The following MINDY3 variants were observed in gnomAD, a reference collection of about 807,000 sequenced individuals.
MINDY3 encodes MINDY lysine 48 deubiquitinase 3.
MINDY3 carries 38 observed loss-of-function variants against 69.2 expected under a neutral mutation model. That is an observed-to-expected ratio of 0.55 (90% CI 0.42 to 0.72). The LOEUF is 0.72. Among genes scored for constraint, MINDY3 ranks in the 30% least tolerant of loss-of-function variants. MINDY3 has a pLI of 0.00. For synonymous variants in MINDY3, 192 were observed against 180.1 expected (o/e 1.07, Z -0.53); for missense variants, 522 against 519.0 (o/e 1.01, Z -0.06).
Position 15,837,159 on chromosome 10 carries a change from GAAC to G in MINDY3, c.576+42_576+44del, listed in dbSNP as rs151207830. 1.1e-3 allele frequency: 1,204 copies of G among 1,130,870 alleles called. 12 individuals carry two copies. In the African/African-American group the frequency reaches 0.017, roughly 16 times the overall value. The allele number at this position is 1,130,870 out of a possible 1,614,324, so 70.1% of individuals were successfully genotyped here. A position where few individuals can be genotyped will look rare whatever the true frequency, so the allele number is the denominator to read the frequency against. On this transcript the variant is annotated intron_variant, in intron 6 of 14. Transcript: ENST00000277632. ...TCATCACTGCAGGAAAAACAGCACT[GAAC>G]AACATTAATCAAAGGCAGAAAAATC...
At chr10:15,797,728 G>C in intron 10 of MINDY3, among the ~76,000 whole-genome samples, 1 of 152,064 alleles carries the variant, frequency 6.6e-6, no homozygotes, top group East Asian at 1.9e-4. Context: ...TACAGCCTTA[G>C]CTCTATAATT....
intron 11 of MINDY3, among the ~76,000 whole-genome samples, chr10:15,795,130 A>T (rs1837715517): frequency 6.6e-6 from 1 of 152,048 alleles, no homozygotes; most frequent in African/African-American, 2.4e-5. Context: ...GAATATGACT[A>T]TTACCTTGGA....
intron 8 of MINDY3, among the ~76,000 whole-genome samples, chr10:15,827,532 G>C (rs191907426): frequency 6.8e-6 from 1 of 147,500 alleles, no homozygotes; most frequent in Admixed American, 6.8e-5. Flanking sequence ...GACAGAGTGA[G>C]ACTCCGTCTC....
chr10:15,833,683 G>A lies in MINDY3; in HGVS notation c.677C>T (p.Thr226Met), dbSNP rs201352822. The change falls in exon 8 of 15, where the codon ACG becomes ATG. Residue 226 changes from threonine to methionine, a missense_variant. Coordinates refer to ENST00000277632, the MANE Select transcript of MINDY3 (RefSeq NM_024948.4). Reference protein sequence around the residue: ...GSQSLINLLLTGHAVSNVWDG... With the variant: ...GSQSLINLLLMGHAVSNVWDG... ...CCATACATTAGAAACAGCATGTCCCGTCAGCAGGAGATTAATTAAACTTTG... is the reference window on the plus strand; with the variant it reads ...CCATACATTAGAAACAGCATGTCCCATCAGCAGGAGATTAATTAAACTTTG... 47 of 1,609,866 alleles carry A rather than the reference G, an allele frequency of 2.9e-5. No homozygotes were observed. In the East Asian group the frequency reaches 5.1e-4, roughly 18 times the overall value.
At chr10:15,783,416 A>G (rs1019555620) in intron 13 of MINDY3, among the ~76,000 whole-genome samples, 12 of 152,138 alleles carry the variant, frequency 7.9e-5, no homozygotes, top group Non-Finnish European at 1.5e-4. Context: ...GACTCATTTC[A>G]TCATGAAAAG....
intron 10 of MINDY3, among the ~76,000 whole-genome samples, chr10:15,802,012 T>C (rs764767328): frequency 4.1e-4 from 62 of 151,512 alleles, no homozygotes; most frequent in Non-Finnish European, 7.9e-4. Flanking sequence ...TGACATTCAT[T>C]ATAATTTTAA....
intron 9 of MINDY3, among the ~76,000 whole-genome samples, chr10:15,819,646 C>T (rs1431097020): frequency 2.0e-5 from 3 of 152,180 alleles, no homozygotes; most frequent in East Asian, 1.9e-4. Flanking sequence ...CTTGCTGTAC[C>T]CCAGTCCCCA....
At chr10:15,831,010 A>G (rs545823998) in intron 8 of MINDY3, among the ~76,000 whole-genome samples, 2 of 152,342 alleles carry the variant, frequency 1.3e-5, no homozygotes, top group East Asian at 3.9e-4. Flanking sequence ...AAAGATATAT[A>G]GTTCTTCTAA....
chr10:15,805,442 A>C (rs1308779856), intron 10 of MINDY3, among the ~76,000 whole-genome samples: 1 of 152,154 alleles, frequency 6.6e-6, no homozygotes, highest in Non-Finnish European at 1.5e-5. Context: ...TGAAAAAATA[A>C]AGTTCCTCTT....
chr10:15,781,581 T>G (rs928570110), intron 14 of MINDY3, among the ~76,000 whole-genome samples: 2 of 152,046 alleles, frequency 1.3e-5, no homozygotes, highest in East Asian at 1.9e-4. Context: ...AAAGGAAAGC[T>G]GCAAAGCATC....
At position 15,788,921 on chromosome 10, in the gene MINDY3, C is replaced by G. The variant is rs184789089; in HGVS notation, c.1028+326G>C. 5.9e-3 allele frequency: 1,111 copies of G among 189,076 alleles called. 10 individuals carry two copies. Among genetic ancestry groups the G allele is most frequent in the Middle Eastern group, 0.019 (8 of 422 alleles). 11.7% of individuals were successfully genotyped at this position (189,076 alleles called of 1,614,324 possible). On this transcript the variant is annotated intron_variant, in intron 12 of 14. Coordinates refer to ENST00000277632, the MANE Select transcript of MINDY3 (RefSeq NM_024948.4). ...CACCATCTACACAGAACCGTCATTA[C>G]TTTACTGAAGATACTAATGTCACAT...
intron 2 of MINDY3, among the ~76,000 whole-genome samples, chr10:15,844,420 T>C (rs1031552933): frequency 6.6e-6 from 1 of 152,202 alleles, no homozygotes; most frequent in East Asian, 1.9e-4. Flanking sequence ...CCATCTTTTT[T>C]AATATCTAGT....
At chr10:15,804,227 G>A (rs576939158) in intron 10 of MINDY3, among the ~76,000 whole-genome samples, 6 of 151,826 alleles carry the variant, frequency 4.0e-5, no homozygotes, top group Admixed American at 1.3e-4. Context: ...GAGGGTTGGC[G>A]GGGGGGCGGG....
At chr10:15,846,068 C>G (rs1268304387) in intron 2 of MINDY3, among the ~76,000 whole-genome samples, 1 of 149,926 alleles carries the variant, frequency 6.7e-6, no homozygotes, top group Non-Finnish European at 1.5e-5. Flanking sequence ...GGTGATCTAC[C>G]TGCCTCGGCC....
At chr10:15,812,389 C>T (rs1183115806) in intron 10 of MINDY3, among the ~76,000 whole-genome samples, 1 of 152,158 alleles carries the variant, frequency 6.6e-6, no homozygotes. Flanking sequence ...TTACCCCATA[C>T]AGAAGGTTAA....
At chr10:15,833,177 G>C (rs1832846291) in intron 8 of MINDY3, among the ~76,000 whole-genome samples, 1 of 152,090 alleles carries the variant, frequency 6.6e-6, no homozygotes, top group African/African-American at 2.4e-5. Context: ...TGGAAGAGTT[G>C]GTAATTTAAA....
rs1395726653 is a variant in MINDY3 at position 15,834,549 on chromosome 10, T to C, written c.644A>G (p.His215Arg). Residue 215 changes from histidine to arginine, a missense_variant, in exon 7 of 15, where the codon CAT (histidine) becomes CGT (arginine). His to Arg is a conservative substitution (Grantham distance 29). Coordinates refer to ENST00000277632, the MANE Select transcript of MINDY3 (RefSeq NM_024948.4). ...AGAGATTTTAGTTAATTACCTGCCATGTCCATATACAGGATCTATCAAGGG... is the reference window on the plus strand; with the variant it reads ...AGAGATTTTAGTTAATTACCTGCCACGTCCATATACAGGATCTATCAAGGG... ...SEPLIDPVYGHGSQSLINLLL... is the reference protein window; with the variant it reads ...SEPLIDPVYGRGSQSLINLLL... 2 of 1,609,096 alleles carry C rather than the reference T, an allele frequency of 1.2e-6. No individual in the cohort carries two copies. The highest frequency in any genetic ancestry group is 1.7e-6 in the Non-Finnish European group (2 of 1,176,718).
At chr10:15,827,228 C>G (rs955315788) in intron 8 of MINDY3, among the ~76,000 whole-genome samples, 2 of 128,994 alleles carry the variant, frequency 1.6e-5, no homozygotes, top group Non-Finnish European at 3.3e-5. Flanking sequence ...AAAAAAAAGA[C>G]CAAATGATTT....
chr10:15,838,192 C>A, intron 5 of MINDY3, 36 bp downstream of exon 5: 1 of 1,579,408 alleles, frequency 6.3e-7, no homozygotes, highest in Non-Finnish European at 8.6e-7. Context: ...AATGTGTCCA[C>A]AGAGTAAGTA....
Sources: allele counts gnomAD v4.1 joint callset (sites outside exome capture counted in the v4.1 genomes callset), GRCh38; gene constraint gnomAD v4.1.1; transcripts MANE v1.5; gene names NCBI Gene and HGNC (gene_info 2026-07-23, HGNC 2026-07-21).